Variants in SET observed in about 807,000 individuals in gnomAD.
SET encodes SET nuclear proto-oncogene.
In SET, 4 loss-of-function variants were observed where a neutral mutation model predicts 39.0. That is an observed-to-expected ratio of 0.10 (90% CI 0.05 to 0.23). The LOEUF (loss-of-function observed/expected upper bound fraction) is 0.23. SET is among the 10% of genes least tolerant of loss of function. SET has a pLI of 1.00. For missense variants in SET, 137 were observed against 329.7 expected (o/e 0.42, Z 4.53); for synonymous variants, 114 against 115.9 (o/e 0.98, Z 0.11).
chr9:128,687,834 C>A (rs1861340988), upstream of SET, among the ~76,000 whole-genome samples: 1 of 152,198 alleles, frequency 6.6e-6, no homozygotes, highest in Non-Finnish European at 1.5e-5. Context: ...AAGCGATCCT[C>A]CTGCCTTGGC....
chr9:128,685,176 C>G, upstream of SET: 2 of 1,597,782 alleles, frequency 1.3e-6, no homozygotes, highest in South Asian at 1.1e-5. Flanking sequence ...ACATGGGATG[C>G]AGAGACCTCC....
chr9:128,685,291 G>GT (rs1456619280), upstream of SET: 1 of 1,235,318 alleles, frequency 8.1e-7, no homozygotes, highest in Non-Finnish European at 1.2e-6. Flanking sequence ...CAGGCTTGCT[G>GT]TGAGTCTGAA....
In SET at chr9:128,693,934, AGAT is replaced by A. The variant is rs762315789; in HGVS notation, c.717_719del (p.Asp239del). 146 of 1,575,070 alleles carry A rather than the reference AGAT, an allele frequency of 9.3e-5. No homozygotes were observed. The highest frequency in any genetic ancestry group is 1.7e-4 in the Middle Eastern group (1 of 6,022). ...ATGATGAAGAAGGAGAAGGAGAAGA[AGAT>A]GATGATGATGATGAAGAGGAGGAAG... On this transcript the variant is annotated inframe_deletion, in exon 7 of 8. Coordinates refer to ENST00000322030, the MANE Select transcript of SET (RefSeq NM_003011.4).
rs749084361 is a variant in SET at position 128,689,560 on chromosome 9, C to T, written c.-23C>T. 4.5e-6 allele frequency: 6 copies of T among 1,327,430 alleles called. No individual in the cohort carries two copies. Among genetic ancestry groups the T allele is most frequent in the East Asian group, 3.3e-5 (1 of 30,410 alleles). 82.2% of individuals were successfully genotyped at this position (1,327,430 alleles called of 1,614,324 possible). Reference sequence around the variant, plus strand: ...TCCCTTCTCTCCCCCTCCCCGCTCCCCCCCCGACCGCGGAGCAGCACCATG... The same window carrying T: ...TCCCTTCTCTCCCCCTCCCCGCTCCTCCCCCGACCGCGGAGCAGCACCATG... On this transcript the variant is annotated 5_prime_UTR_variant, in exon 1 of 8. Transcript: ENST00000322030.
rs757604683 is a variant in SET at position 128,689,557 on chromosome 9, TC to T, written c.-18del. 1,311 of 1,092,648 alleles carry T rather than the reference TC, an allele frequency of 1.2e-3. No homozygotes were observed. Among genetic ancestry groups the T allele is most frequent in the East Asian group, 2.0e-3 (47 of 23,450 alleles). 67.7% of individuals were successfully genotyped at this position (1,092,648 alleles called of 1,614,324 possible). A position where few individuals can be genotyped will look rare whatever the true frequency, so the allele number is the denominator to read the frequency against. On this transcript the variant is annotated 5_prime_UTR_variant, in exon 1 of 8. Transcript: ENST00000322030. ...CCTTCCCTTCTCTCCCCCTCCCCGC[TC>T]CCCCCCCGACCGCGGAGCAGCACCA...
At chr9:128,690,986 G>A (rs1191214919) in intron 1 of SET, 184 bp from the exon 2 acceptor site, 1 of 666,642 alleles carries the variant, frequency 1.5e-6, no homozygotes, top group African/African-American at 1.8e-5. Flanking sequence ...AGCATGACTT[G>A]TAAATGGTCT....
chr9:128,692,109 C>A, intron 3 of SET, 109 bp downstream of exon 3: 1 of 1,341,876 alleles, frequency 7.5e-7, no homozygotes, highest in South Asian at 1.4e-5. Context: ...CAAAGACAGG[C>A]TGGGTGCGGT....
In SET at chr9:128,689,241, T is replaced by TGGAGGA. The variant is rs1158771361; in HGVS notation, c.-336_-331dup. 12 of 997,630 alleles carry TGGAGGA rather than the reference T, an allele frequency of 1.2e-5. No homozygotes were observed. The highest frequency in any genetic ancestry group is 1.4e-5 in the Non-Finnish European group (12 of 838,218). 61.8% of individuals were successfully genotyped at this position (997,630 alleles called of 1,614,324 possible). A position where few individuals can be genotyped will look rare whatever the true frequency, so the allele number is the denominator to read the frequency against. ...GCCCGCCCCTCGCCGTAGGAGGAGG[T>TGGAGGA]GGAGGAGGAGGCGGCTCGGGAGAGC... On this transcript the variant is annotated 5_prime_UTR_variant, in exon 1 of 8. Coordinates refer to ENST00000322030, the MANE Select transcript of SET (RefSeq NM_003011.4).
Position 128,689,615 on chromosome 9 carries a change from G to C in SET, c.33G>C (p.Lys11Asn), listed in dbSNP as rs759834220. The C allele has an allele frequency of 1.5e-6, 2 of 1,377,360 alleles. No homozygotes were observed. The highest frequency in any genetic ancestry group is 1.9e-6 in the Non-Finnish European group (2 of 1,046,008). The allele number at this position is 1,377,360 out of a possible 1,614,324, so 85.3% of individuals were successfully genotyped here. A position where few individuals can be genotyped will look rare whatever the true frequency, so the allele number is the denominator to read the frequency against. MSAPAAKVSK[K>N]ELNSNHDGAD... ...CGCCGGCGGCCAAAGTCAGTAAAAA[G>C]GAGCTCAACTCCAACCACGACGGGG... is the stretch of plus-strand genomic sequence containing the variant. The change falls in exon 1 of 8, where the codon AAG (lysine) becomes AAC (asparagine). Residue 11 changes from lysine (K) to asparagine (N), a missense_variant. Lys to Asn is a moderately conservative substitution (Grantham distance 94). This residue lies in a region of SET where 34 missense variants were observed against 29.5 expected (regional missense o/e 1.15). Coordinates refer to ENST00000322030, the MANE Select transcript of SET (RefSeq NM_003011.4).
At chr9:128,689,059 T>C (rs900621860), upstream of SET, among the ~76,000 whole-genome samples, 1 of 149,716 alleles carries the variant, frequency 6.7e-6, no homozygotes, top group Non-Finnish European at 1.5e-5. Context: ...CGGCCGTGCG[T>C]CGCCGCGCGC....
chr9:128,690,759 C>A, intron 1 of SET: 1 of 194,022 alleles, frequency 5.2e-6, no homozygotes, highest in South Asian at 8.0e-5. Flanking sequence ...GTAGTGGTGG[C>A]CTAATTTGTA....
intron 1 of SET, 94 bp downstream of exon 1, chr9:128,689,749 G>GGTGCGCC (rs1169170472): frequency 5.8e-6 from 1 of 171,528 alleles, no homozygotes; most frequent in Non-Finnish European, 1.1e-5. Context: ...GCGCGCGCGG[G>GGTGCGCC]GGGCGCCGGG....
At chr9:128,685,007 G>C, upstream of SET, 2 of 1,450,622 alleles carry the variant, frequency 1.4e-6, no homozygotes, top group Non-Finnish European at 1.8e-6. Flanking sequence ...AGCCTTCCTG[G>C]GCTGGGTGTG....
At position 128,695,107 on chromosome 9, in the gene SET, AT is replaced by A. The variant is rs1223117649; in HGVS notation, c.*446del. On this transcript the variant is annotated 3_prime_UTR_variant, in exon 8 of 8. Transcript: ENST00000322030. ...CTCTATGTGAATATGGACAGTTAGC[AT>A]TTACCAACATGTATCTGTCTACTTT... The A allele has an allele frequency of 1.3e-5, 3 of 226,514 alleles. No homozygotes were observed. The highest frequency in any genetic ancestry group is 2.6e-5 in the Non-Finnish European group (3 of 113,220). The allele number at this position is 226,514 out of a possible 1,614,324, so 14.0% of individuals were successfully genotyped here.
intron 3 of SET, 75 bp downstream of exon 3, chr9:128,692,075 T>A (rs1004242347): frequency 6.4e-7 from 1 of 1,551,264 alleles, no homozygotes; most frequent in African/African-American, 1.4e-5. Context: ...GAAGACTTAG[T>A]CCAGCATGCT....
At position 128,695,871 on chromosome 9, in the gene SET, T is replaced by G. The variant is rs1861718695; in HGVS notation, c.*1207T>G. On this transcript the variant is annotated 3_prime_UTR_variant, in exon 8 of 8. Coordinates refer to ENST00000322030, the MANE Select transcript of SET (RefSeq NM_003011.4). ...AATTGGCCTTTTACCTGGATATAAA[T>G]TAATTGTGCCTGCCACCACCATCCA... 4.4e-6 allele frequency: 1 copy of G among 227,730 alleles called. No individual in the cohort carries two copies. The highest frequency in any genetic ancestry group is 8.8e-6 in the Non-Finnish European group (1 of 114,146). The allele number at this position is 227,730 out of a possible 1,614,324, so 14.1% of individuals were successfully genotyped here. A position where few individuals can be genotyped will look rare whatever the true frequency, so the allele number is the denominator to read the frequency against.
upstream of SET, among the ~76,000 whole-genome samples, chr9:128,685,878 T>A (rs893751174): frequency 6.6e-6 from 1 of 152,032 alleles, no homozygotes; most frequent in African/African-American, 2.4e-5. Context: ...CCAAAGACAG[T>A]TAGCCAGGCG....
chr9:128,685,832 G>A (rs955971550), upstream of SET, among the ~76,000 whole-genome samples: 3 of 152,168 alleles, frequency 2.0e-5, no homozygotes, highest in African/African-American at 2.4e-5. Context: ...AGAAGTTCAA[G>A]ACCAGCCTGG....
At chr9:128,694,352 TAAC>T (rs1861654568) in intron 7 of SET, among the ~76,000 whole-genome samples, 1 of 152,148 alleles carries the variant, frequency 6.6e-6, no homozygotes, top group Non-Finnish European at 1.5e-5. Flanking sequence ...ATCTCTGAAA[TAAC>T]AAAGTTTCAT....
Sources: gnomAD v4.1 joint callset for allele counts (sites outside exome capture counted in the v4.1 genomes callset) on GRCh38, gnomAD v4.1.1 for gene constraint, gnomAD v4.1.1 regional missense constraint, MANE v1.5 for transcripts, NCBI Gene and HGNC (gene_info 2026-07-23, HGNC 2026-07-21) for gene names.